Variants in KIAA1671 observed in about 807,000 individuals in gnomAD.
The protein encoded by KIAA1671 is KIAA1671.
KIAA1671 carries 52 observed loss-of-function variants against 131.2 expected under a neutral mutation model. That is an observed-to-expected ratio of 0.40 (90% CI 0.32 to 0.50). The LOEUF (loss-of-function observed/expected upper bound fraction) is 0.50. Ranked by LOEUF, KIAA1671 falls within the 20% of genes least tolerant of loss-of-function variation. KIAA1671 has a pLI of 0.73. For synonymous variants in KIAA1671, 1,003 were observed against 961.6 expected (o/e 1.04, Z -0.80); for missense variants, 2,360 against 2,364.2 (o/e 1.00, Z 0.04).
intron 1 of KIAA1671, among the ~76,000 whole-genome samples, chr22:25,008,101 G>A (rs1172895303): frequency 1.3e-5 from 2 of 150,258 alleles, no homozygotes; most frequent in Non-Finnish European, 2.9e-5. Context: ...AGGAGACTGA[G>A]GCAGGAGAAT....
intron 1 of KIAA1671, chr22:25,013,693 C>T (rs1335106301): frequency 6.6e-6 from 1 of 152,226 alleles, no homozygotes; most frequent in Admixed American, 6.5e-5. Flanking sequence ...GCAGTGAACA[C>T]CAGTTCCAGG....
At chr22:25,074,083 A>G (rs542522463) in intron 6 of KIAA1671, among the ~76,000 whole-genome samples, 7 of 152,220 alleles carry the variant, frequency 4.6e-5, no homozygotes, top group Non-Finnish European at 8.8e-5. Context: ...TGCCCGGCTT[A>G]TTTCACTTAG....
intron 6 of KIAA1671, among the ~76,000 whole-genome samples, chr22:25,126,234 C>T (rs1023952971): frequency 3.3e-5 from 5 of 152,212 alleles, no homozygotes; most frequent in African/African-American, 9.7e-5. Context: ...CAGCACCTCA[C>T]GTTCCCACCA....
intron 6 of KIAA1671, among the ~76,000 whole-genome samples, chr22:25,069,035 G>A (rs1289340451): frequency 6.6e-6 from 1 of 152,200 alleles, no homozygotes; most frequent in East Asian, 1.9e-4. Flanking sequence ...CTCGGCTTAT[G>A]AGGAGCAGGT....
intron 6 of KIAA1671, among the ~76,000 whole-genome samples, chr22:25,105,828 G>C (rs1015221563): frequency 1.3e-5 from 2 of 151,566 alleles, no homozygotes; most frequent in African/African-American, 2.4e-5. Flanking sequence ...TTGGGGGGGG[G>C]GGGTGCCAAA....
At chr22:25,135,701 G>A (rs762489473) in intron 6 of KIAA1671, among the ~76,000 whole-genome samples, 1 of 152,194 alleles carries the variant, frequency 6.6e-6, no homozygotes, top group Non-Finnish European at 1.5e-5. Context: ...TGCCCCTCAC[G>A]TGGCTGTCTG....
chr22:25,109,271 G>A (rs1568960411), intron 6 of KIAA1671, among the ~76,000 whole-genome samples: 2 of 152,066 alleles, frequency 1.3e-5, no homozygotes, highest in African/African-American at 4.8e-5. Flanking sequence ...CACTGTGCCC[G>A]GCTAATTTTT....
intron 6 of KIAA1671, among the ~76,000 whole-genome samples, chr22:25,152,265 G>A (rs141703748): frequency 2.6e-4 from 40 of 152,262 alleles, no homozygotes; most frequent in Non-Finnish European, 3.5e-4. Flanking sequence ...ACAACTTTTA[G>A]CAGTAGAGTG....
intron 6 of KIAA1671, among the ~76,000 whole-genome samples, chr22:25,110,485 G>C (rs1029529346): frequency 6.6e-6 from 1 of 152,200 alleles, no homozygotes; most frequent in African/African-American, 2.4e-5. Context: ...CTTGCTGTGT[G>C]ACCTTGGGCA....
At chr22:25,169,456 ATTCAAAGC>A (rs1933767212) in intron 6 of KIAA1671, among the ~76,000 whole-genome samples, 2 of 149,724 alleles carry the variant, frequency 1.3e-5, no homozygotes, top group Non-Finnish European at 3.0e-5. Flanking sequence ...TGAGAGCGTC[ATTCAAAGC>A]TTCAAAGCTC....
chr22:25,093,966 C>T (rs974700472), intron 6 of KIAA1671, among the ~76,000 whole-genome samples: 43 of 151,608 alleles, frequency 2.8e-4, no homozygotes, highest in Middle Eastern at 3.4e-3. Context: ...CCTTGCCTCC[C>T]AGGACTTCTC....
intron 12 of KIAA1671, among the ~76,000 whole-genome samples, chr22:25,191,841 TA>T (rs1934680598): frequency 6.6e-6 from 1 of 152,178 alleles, no homozygotes; most frequent in Non-Finnish European, 1.5e-5. Flanking sequence ...AAGTCAGTGG[TA>T]AAACCTGACC....
chr22:25,062,207 C>CTTCCCCCTCCTT (rs1448304202), intron 6 of KIAA1671: 1 of 148,664 alleles, frequency 6.7e-6, no homozygotes. Context: ...TCCTCCTCCT[C>CTTCCCCCTCCTT]TTCCCCCTCC....
At chr22:25,037,501 G>A (rs1050192957) in intron 4 of KIAA1671, among the ~76,000 whole-genome samples, 2 of 151,916 alleles carry the variant, frequency 1.3e-5, no homozygotes, top group Non-Finnish European at 2.9e-5. Flanking sequence ...CTACAGTAGG[G>A]GTTAGCAAAC....
rs547648232 is a variant in KIAA1671, at chr22:24,955,893, CA to C, written c.-208+3122del. On this transcript the variant is annotated intron_variant, in intron 1 of 12. Transcript: ENST00000358431. Reference sequence around the variant, plus strand: ...ACAAAAAAATTAGCCAGGCATGGGGCAGGTGCCTGTTCTCCTGGCTACTTGG... The same window carrying C: ...ACAAAAAAATTAGCCAGGCATGGGGCGGTGCCTGTTCTCCTGGCTACTTGG... 1.9e-3 allele frequency among the ~76,000 whole-genome samples: 285 copies of C among 152,084 alleles called. 1 individual carries two copies. The highest frequency in any genetic ancestry group is 6.6e-3 in the African/African-American group (272 of 41,498).
intron 5 of KIAA1671, among the ~76,000 whole-genome samples, chr22:25,042,119 G>T (rs1926961206): frequency 6.6e-6 from 1 of 152,160 alleles, no homozygotes; most frequent in African/African-American, 2.4e-5. Flanking sequence ...TGAAAATCTA[G>T]ATTTTTATGT....
At chr22:25,179,524 C>T in intron 9 of KIAA1671, 1 of 1,606,210 alleles carries the variant, frequency 6.2e-7, no homozygotes, top group Non-Finnish European at 8.5e-7. Context: ...CGCGCGGCTC[C>T]ACCAGCTGCT....
rs1302000924 is a variant in KIAA1671 at position 25,061,745 on chromosome 22, TGCTCCCAGCAGCTTC to T, written c.4530+12391_4530+12405del. 16 of 152,458 alleles carry T rather than the reference TGCTCCCAGCAGCTTC, an allele frequency of 1.0e-4. No individual in the cohort carries two copies. In the East Asian group the frequency reaches 2.9e-3, roughly 28 times the overall value. The allele number at this position is 152,458 out of a possible 1,614,324, so 9.4% of individuals were successfully genotyped here. On this transcript the variant is annotated intron_variant, in intron 6 of 12. Coordinates refer to ENST00000358431, the MANE Select transcript of KIAA1671 (RefSeq NM_001145206.2). ...CCAGGCCTACCTGAGTGCAGATCCCTGCTCCCAGCAGCTTCGCTCCCAGCTCCTGGTAGGGCTTAA... is the reference window on the plus strand; with the variant it reads ...CCAGGCCTACCTGAGTGCAGATCCCTGCTCCCAGCTCCTGGTAGGGCTTAA...
chr22:25,094,872 TC>T (rs1930321999), intron 6 of KIAA1671, among the ~76,000 whole-genome samples: 1 of 152,232 alleles, frequency 6.6e-6, no homozygotes, highest in East Asian at 1.9e-4. Flanking sequence ...TCTCTCTCCC[TC>T]CTCCCTCCCT....
Sources: gnomAD v4.1 joint callset for allele counts (sites outside exome capture counted in the v4.1 genomes callset) on GRCh38, gnomAD v4.1.1 for gene constraint, MANE v1.5 for transcripts, NCBI Gene and HGNC (gene_info 2026-07-23, HGNC 2026-07-21) for gene names.